AKAP6: variants seen among roughly 807,000 people sequenced by gnomAD.
The protein encoded by AKAP6 is A-kinase anchor protein 6.
AKAP6 carries 58 observed loss-of-function variants against 188.5 expected under a neutral mutation model. The ratio of observed to expected loss-of-function variants is 0.31; its 90% CI spans 0.25 to 0.38. The LOEUF (loss-of-function observed/expected upper bound fraction) is 0.38. Among genes scored for constraint, AKAP6 ranks in the 10% least tolerant of loss-of-function variants. AKAP6 has a pLI of 1.00. For synonymous variants in AKAP6, 989 were observed against 998.6 expected (o/e 0.99, Z 0.18); for missense variants, 2,710 against 2,740.0 (o/e 0.99, Z 0.24).
At chr14:32,367,330 G>A (rs1887868646) in intron 1 of AKAP6, among the ~76,000 whole-genome samples, 1 of 152,212 alleles carries the variant, frequency 6.6e-6, no homozygotes, top group African/African-American at 2.4e-5. Context: ...AGAATATGAA[G>A]TGGTTAGAAG....
At chr14:32,514,992 C>A (rs536320951) in intron 2 of AKAP6, among the ~76,000 whole-genome samples, 11 of 152,230 alleles carry the variant, frequency 7.2e-5, no homozygotes, top group African/African-American at 2.6e-4. Flanking sequence ...GGGCCTGTGG[C>A]AGGGTGACCT....
intron 2 of AKAP6, among the ~76,000 whole-genome samples, chr14:32,462,916 A>AAAAAAAAAAAC (rs1555330714): frequency 0.012 from 1,091 of 93,674 alleles, 20 homozygotes; most frequent in African/African-American, 0.048. Flanking sequence ...AAAAAAAAAA[A>AAAAAAAAAAAC]AAAAAAAAAA....
At chr14:32,772,112 A>ACATG (rs763805487) in intron 11 of AKAP6, among the ~76,000 whole-genome samples, 2 of 152,014 alleles carry the variant, frequency 1.3e-5, no homozygotes, top group Non-Finnish European at 2.9e-5. Flanking sequence ...GAGAAAGAGA[A>ACATG]CATGCACGTG....
At chr14:32,416,175 G>T (rs369637006) in intron 1 of AKAP6, among the ~76,000 whole-genome samples, 10 of 152,268 alleles carry the variant, frequency 6.6e-5, no homozygotes, top group African/African-American at 2.2e-4. Flanking sequence ...ATGCACAAAG[G>T]TTCCAATTTC....
chr14:32,342,225 G>C (rs1341618692), intron 1 of AKAP6, among the ~76,000 whole-genome samples: 2 of 152,076 alleles, frequency 1.3e-5, no homozygotes, highest in Non-Finnish European at 2.9e-5. Flanking sequence ...CCTGCTTTCT[G>C]TATGTCTTTT....
intron 12 of AKAP6, 155 bp downstream of exon 12, chr14:32,774,048 C>T (rs1393104870): frequency 1.4e-6 from 1 of 723,506 alleles, no homozygotes; most frequent in Admixed American, 2.3e-5. Context: ...CTAACTAAAG[C>T]TCATAGTTTT....
intron 2 of AKAP6, among the ~76,000 whole-genome samples, chr14:32,456,904 C>T (rs1891163091): frequency 6.6e-6 from 1 of 152,170 alleles, no homozygotes; most frequent in South Asian, 2.1e-4. Context: ...TGATCTTCAA[C>T]TTATGATGTT....
chr14:32,456,183 A>C (rs1199968899), intron 2 of AKAP6, among the ~76,000 whole-genome samples: 3 of 152,138 alleles, frequency 2.0e-5, no homozygotes, highest in African/African-American at 7.2e-5. Flanking sequence ...GATGGGATCC[A>C]TGGAAATTGG....
chr14:32,667,490 C>T (rs1190314103), intron 7 of AKAP6, among the ~76,000 whole-genome samples: 1 of 152,032 alleles, frequency 6.6e-6, no homozygotes, highest in East Asian at 1.9e-4. Context: ...TGACTTGATT[C>T]AGCACTTTTC....
intron 7 of AKAP6, among the ~76,000 whole-genome samples, chr14:32,612,848 T>G (rs1416568921): frequency 6.6e-6 from 1 of 152,162 alleles, no homozygotes; most frequent in Non-Finnish European, 1.5e-5. Context: ...GTTGATGAAA[T>G]TTGTAGTCTT....
chr14:32,510,021 A>G (rs1268681617), intron 2 of AKAP6, among the ~76,000 whole-genome samples: 1 of 152,104 alleles, frequency 6.6e-6, no homozygotes, highest in East Asian at 1.9e-4. Context: ...TTCTGGCTAC[A>G]TTTAAAGGAA....
intron 12 of AKAP6, among the ~76,000 whole-genome samples, chr14:32,800,061 C>CTCTCTCTCTA (rs377693074): frequency 1.1e-3 from 155 of 136,942 alleles, no homozygotes; most frequent in East Asian, 2.1e-3. Context: ...CTCTCTCTCT[C>CTCTCTCTCTA]TATATATATA....
chr14:32,779,452 C>T (rs1436542960), intron 12 of AKAP6, among the ~76,000 whole-genome samples: 1 of 136,026 alleles, frequency 7.4e-6, no homozygotes, highest in Non-Finnish European at 1.6e-5. Flanking sequence ...CCACTTTAAA[C>T]ATAAAGATAT....
intron 1 of AKAP6, among the ~76,000 whole-genome samples, chr14:32,361,482 A>T (rs1379884275): frequency 6.6e-6 from 1 of 152,200 alleles, no homozygotes; most frequent in East Asian, 1.9e-4. Flanking sequence ...GGAAGTTGGT[A>T]GCTGTTACAA....
intron 6 of AKAP6, 39 bp downstream of exon 6, chr14:32,599,545 A>G (rs1885838546): frequency 6.6e-7 from 1 of 1,505,754 alleles, no homozygotes; most frequent in Admixed American, 1.7e-5. Context: ...TTACGTCTCC[A>G]GACTATTAAG....
intron 1 of AKAP6, among the ~76,000 whole-genome samples, chr14:32,420,778 C>G (rs1426025486): frequency 6.6e-6 from 1 of 152,006 alleles, no homozygotes; most frequent in African/African-American, 2.4e-5. Context: ...TGGGATTTCC[C>G]TTCCTCTTCA....
intron 2 of AKAP6, among the ~76,000 whole-genome samples, chr14:32,464,290 A>G (rs1878261120): frequency 6.6e-6 from 1 of 152,186 alleles, no homozygotes; most frequent in African/African-American, 2.4e-5. Context: ...GGACACAACA[A>G]AAAAAGAGAA....
chr14:32,356,418 C>T (rs1887487878), intron 1 of AKAP6, among the ~76,000 whole-genome samples: 1 of 152,174 alleles, frequency 6.6e-6, no homozygotes, highest in African/African-American at 2.4e-5. Flanking sequence ...CACGTCTACA[C>T]CTGCGTTTGC....
chr14:32,339,821 A>C (rs1886834106), intron 1 of AKAP6, among the ~76,000 whole-genome samples: 1 of 152,224 alleles, frequency 6.6e-6, no homozygotes, highest in Non-Finnish European at 1.5e-5. Context: ...TCATAAATGA[A>C]GGAATAATTA....
Sources: allele counts gnomAD v4.1 joint callset (sites outside exome capture counted in the v4.1 genomes callset), GRCh38; gene constraint gnomAD v4.1.1; transcripts MANE v1.5; gene names NCBI Gene and HGNC (gene_info 2026-07-23, HGNC 2026-07-21).